The following OTUD7B variants were observed in gnomAD, a reference collection of about 807,000 sequenced individuals.
OTUD7B encodes the protein OTU deubiquitinase 7B, also known as OTU domain-containing protein 7B.
In OTUD7B, 34 loss-of-function variants were observed where a neutral mutation model predicts 82.2. That is an observed-to-expected ratio of 0.41 (90% CI 0.31 to 0.55). The LOEUF (loss-of-function observed/expected upper bound fraction) is 0.55, where lower values mean the gene tolerates loss of function less well. OTUD7B is among the 20% of genes least tolerant of loss of function. The pLI, the probability that OTUD7B is intolerant of heterozygous loss-of-function variation, is 0.20. For missense variants in OTUD7B, 944 were observed against 1,062.1 expected (o/e 0.89, Z 1.55); for synonymous variants, 398 against 402.7 (o/e 0.99, Z 0.14).
the OTUD7B span, among the ~76,000 whole-genome samples, chr1:150,042,132 TC>T: frequency 5.0e-4 from 16 of 31,818 alleles, 1 homozygote; most frequent in South Asian, 0.017. Context: ...CCTCCCTCCC[TC>T]CCTCCCTCCC....
rs1296913338 is a variant in OTUD7B, at chr1:149,938,483, A to AAAAACAAAG, written c.*5373_*5374insCTTTGTTTT. ...CGCAAAAAAAAAAAAAAAAAAAAAGACATAGGAAGAGGTGTGTACCATAAC... is the reference window on the plus strand; with the variant it reads ...CGCAAAAAAAAAAAAAAAAAAAAAGAAAAACAAAGCATAGGAAGAGGTGTGTACCATAAC... On this transcript the variant is annotated 3_prime_UTR_variant, in exon 12 of 12. Transcript: ENST00000581312. 2.4e-5 allele frequency: 2 copies of AAAAACAAAG among 82,914 alleles called. No homozygotes were observed. The highest frequency in any genetic ancestry group is 4.9e-5 in the African/African-American group (1 of 20,340). The allele number at this position is 82,914 out of a possible 1,614,324, so 5.1% of individuals were successfully genotyped here.
intron 1 of OTUD7B, among the ~76,000 whole-genome samples, chr1:149,990,405 A>G (rs956880000): frequency 6.6e-6 from 1 of 152,240 alleles, no homozygotes; most frequent in Non-Finnish European, 1.5e-5. Context: ...TGTGGTTCTA[A>G]ACTATTCATG....
the OTUD7B span, among the ~76,000 whole-genome samples, chr1:150,030,680 C>T: frequency 2.6e-5 from 4 of 152,218 alleles, no homozygotes; most frequent in Non-Finnish European, 4.4e-5. Context: ...CTCCTCTCTA[C>T]TTCCTCAACT....
intron 1 of OTUD7B, among the ~76,000 whole-genome samples, chr1:150,003,756 C>T (rs1652464392): frequency 6.6e-6 from 1 of 151,966 alleles, no homozygotes; most frequent in Non-Finnish European, 1.5e-5. Context: ...TTTCTTTGCC[C>T]TTCTGCTCTT....
Position 149,941,515 on chromosome 1 carries a change from G to A in OTUD7B, c.*2342C>T, listed in dbSNP as rs1208446432. On this transcript the variant is annotated 3_prime_UTR_variant, in exon 12 of 12. Transcript: ENST00000581312. ...ACGTAACTAGGGTGAGGTGAGCAAA[G>A]CACTCACCTTGGGCACAAAATTTAA... 6.6e-6 allele frequency: 1 copy of A among 152,154 alleles called. No homozygotes were observed. The highest frequency in any genetic ancestry group is 1.5e-5 in the Non-Finnish European group (1 of 68,030). The allele number at this position is 152,154 out of a possible 1,614,324, so 9.4% of individuals were successfully genotyped here. A position where few individuals can be genotyped will look rare whatever the true frequency, so the allele number is the denominator to read the frequency against.
At chr1:149,969,220 G>A (rs1312349717) in intron 3 of OTUD7B, among the ~76,000 whole-genome samples, 4 of 152,154 alleles carry the variant, frequency 2.6e-5, no homozygotes, top group Non-Finnish European at 5.9e-5. Flanking sequence ...CTACTTGGGA[G>A]GCTGAGGCAG....
At chr1:150,027,854 AACTG>A in the OTUD7B span, among the ~76,000 whole-genome samples, 24 of 152,026 alleles carry the variant, frequency 1.6e-4, no homozygotes, top group Non-Finnish European at 8.8e-5. Flanking sequence ...ATAATTAAAA[AACTG>A]ACTAATTTGG....
chr1:150,022,426 A>AAT, the OTUD7B span, among the ~76,000 whole-genome samples: 1,514 of 100,822 alleles, frequency 0.015, 481 homozygotes, highest in East Asian at 0.04. Context: ...AAAAAAAATA[A>AAT]CTACATGCTG....
Position 149,943,952 on chromosome 1 carries a change from G to C in OTUD7B, c.2437C>G (p.Pro813Ala). 6.2e-7 allele frequency: 1 copy of C among 1,614,186 alleles called. No homozygotes were observed. Among genetic ancestry groups the C allele is most frequent in the South Asian group, 1.1e-5 (1 of 91,082 alleles). ...CAGGAACAGAAGTTGTTTGTCTCAG[G>C]GTGTCCATAGAAGCTGCAGTTCGGT... Reference protein sequence around the residue: ...KQPNCSFYGHPETNNFCSCCY... With the variant: ...KQPNCSFYGHAETNNFCSCCY... The change falls in exon 12 of 12, where the codon CCT becomes GCT. Residue 813 changes from proline to alanine, a missense_variant. By Grantham distance (27) the Pro-to-Ala change is conservative. Coordinates refer to ENST00000581312, the MANE Select transcript of OTUD7B (RefSeq NM_020205.4).
chr1:149,975,242 T>C (rs1650228172), intron 2 of OTUD7B, among the ~76,000 whole-genome samples: 1 of 152,220 alleles, frequency 6.6e-6, no homozygotes, highest in Non-Finnish European at 1.5e-5. Flanking sequence ...GCACTCTAGA[T>C]CTAAGTTAGG....
At chr1:149,989,685 G>A (rs1651428255) in intron 1 of OTUD7B, among the ~76,000 whole-genome samples, 1 of 138,368 alleles carries the variant, frequency 7.2e-6, no homozygotes, top group African/African-American at 2.7e-5. Context: ...ACTGCAGTGA[G>A]CTATGATAGT....
intron 6 of OTUD7B, chr1:149,961,022 G>A (rs1238483929): frequency 6.7e-6 from 1 of 149,496 alleles, no homozygotes; most frequent in African/African-American, 2.5e-5. Flanking sequence ...CACCTCCCGG[G>A]TTCAAGCAAT....
chr1:150,062,746 CTT>C, the OTUD7B span, among the ~76,000 whole-genome samples: 1 of 103,168 alleles, frequency 9.7e-6, no homozygotes, highest in Non-Finnish European at 1.8e-5. Flanking sequence ...GAGTTTCACT[CTT>C]GTTGCCCAGG....
At chr1:150,065,433 G>C in the OTUD7B span, among the ~76,000 whole-genome samples, 1 of 152,134 alleles carries the variant, frequency 6.6e-6, no homozygotes. Context: ...CTTGGACCCA[G>C]TGAAAACAAA....
chr1:150,004,820 C>T (rs1366273071), intron 1 of OTUD7B, among the ~76,000 whole-genome samples: 1 of 152,016 alleles, frequency 6.6e-6, no homozygotes, highest in Non-Finnish European at 1.5e-5. Flanking sequence ...TTATCCTCTT[C>T]ATCTTCATCC....
chr1:150,008,891 T>C (rs1652834796), intron 1 of OTUD7B, among the ~76,000 whole-genome samples: 1 of 152,216 alleles, frequency 6.6e-6, no homozygotes, highest in Non-Finnish European at 1.5e-5. Flanking sequence ...ACATAGTAAC[T>C]GGCCACTTTG....
the OTUD7B span, among the ~76,000 whole-genome samples, chr1:150,059,419 G>T: frequency 6.7e-6 from 1 of 149,488 alleles, no homozygotes; most frequent in African/African-American, 2.5e-5. Context: ...GCCCAGGCTG[G>T]AGTGCAATGG....
At chr1:150,030,863 TA>T in the OTUD7B span, among the ~76,000 whole-genome samples, 1 of 152,228 alleles carries the variant, frequency 6.6e-6, no homozygotes, top group Non-Finnish European at 1.5e-5. Context: ...TCTGTGCAGT[TA>T]CTGCACAGTT....
chr1:149,959,540 T>C, intron 7 of OTUD7B, 144 bp downstream of exon 7: 1 of 624,516 alleles, frequency 1.6e-6, no homozygotes. Context: ...ACATATCATG[T>C]TGTTACACAC....
Sources: allele counts gnomAD v4.1 joint callset (sites outside exome capture counted in the v4.1 genomes callset), GRCh38; gene constraint gnomAD v4.1.1; transcripts MANE v1.5; gene names NCBI Gene and HGNC (gene_info 2026-07-23, HGNC 2026-07-21).